Variants in KRT39 observed in about 807,000 individuals in gnomAD.
KRT39 encodes the protein keratin, type I cytoskeletal 39.
A neutral mutation model predicts 54.8 loss-of-function variants in KRT39; 47 were observed. The ratio of observed to expected loss-of-function variants is 0.86; its 90% CI spans 0.68 to 1.09. The LOEUF is 1.09. KRT39 is among the 50% of genes least tolerant of loss of function. The pLI, the probability that KRT39 is intolerant of heterozygous loss-of-function variation, is 0.00. For synonymous variants in KRT39, 207 were observed against 227.9 expected, an observed-to-expected ratio of 0.91 and a Z score of 0.83; for missense variants, 580 against 598.5, an observed-to-expected ratio of 0.97 and a Z score of 0.32.
chr17:40,960,510 GAGA>G lies in KRT39; in HGVS notation c.997-12_997-10del. On this transcript the variant is annotated splice_polypyrimidine_tract_variant and intron_variant, in intron 5 of 6. Coordinates refer to ENST00000355612, the MANE Select transcript of KRT39 (RefSeq NM_213656.4). ...CACTCTTGGGAATCTCTCTACCATG[GAGA>G]AGGATAGTAGGATTTATAATGACTC... The G allele has an allele frequency of 6.2e-7, 1 of 1,602,986 alleles. No individual in the cohort carries two copies. Among genetic ancestry groups the G allele is most frequent in the Non-Finnish European group, 8.5e-7 (1 of 1,169,950 alleles).
chr17:40,963,873 G>A (rs1411638962), intron 2 of KRT39, 90 bp from the exon 3 acceptor site: 3 of 952,220 alleles, frequency 3.2e-6, no homozygotes, highest in Non-Finnish European at 3.2e-6. Flanking sequence ...TTTGCTCTGG[G>A]CACCTCACTT....
At chr17:40,966,067 ATGTGTGTGTG>A (rs71300040) in intron 1 of KRT39, among the ~76,000 whole-genome samples, 1 of 147,416 alleles carries the variant, frequency 6.8e-6, no homozygotes, top group East Asian at 2.0e-4. Context: ...TTGTGTGTGT[ATGTGTGTGTG>A]TGTGTGTGTG....
chr17:40,965,152 C>T (rs928320791), intron 1 of KRT39, among the ~76,000 whole-genome samples: 9 of 151,282 alleles, frequency 5.9e-5, no homozygotes, highest in Non-Finnish European at 8.8e-5. Context: ...AGCAGTGAGC[C>T]GAGATCGCGC....
intron 4 of KRT39, 49 bp from the exon 5 acceptor site, chr17:40,962,336 C>G (rs776323599): frequency 1.9e-6 from 3 of 1,611,916 alleles, no homozygotes; most frequent in Non-Finnish European, 2.5e-6. Context: ...GAAAACATGA[C>G]TTTGATTAAA....
intron 5 of KRT39, among the ~76,000 whole-genome samples, chr17:40,961,171 C>T (rs1911139038): frequency 6.6e-6 from 1 of 150,840 alleles, no homozygotes; most frequent in Non-Finnish European, 1.5e-5. Flanking sequence ...GCACTTCATT[C>T]AGTGAGTGTT....
Position 40,966,388 on chromosome 17 carries a change from C to T in KRT39, c.468+1G>A. The stretch of plus-strand genomic sequence containing the variant: ...ATTAAACAGGTTCTTAGGAATCTTA[C>T]CTTCTGCTGGAGCTCCTCAATGGTA... On this transcript the variant is annotated splice_donor_variant, in intron 1 of 6. Transcript: ENST00000355612. LOFTEE classifies it high-confidence loss of function. 6.3e-7 allele frequency: 1 copy of T among 1,597,620 alleles called. No homozygotes were observed. The highest frequency in any genetic ancestry group is 1.1e-5 in the South Asian group (1 of 90,576).
Position 40,960,466 on chromosome 17 carries a change from C to T in KRT39, c.1032G>A (p.Glu344=), listed in dbSNP as rs1442170698. 1.7e-5 allele frequency: 28 copies of T among 1,613,944 alleles called. No homozygotes were observed. The highest frequency in any genetic ancestry group is 2.3e-5 in the Non-Finnish European group (27 of 1,180,024). The part of the protein sequence containing the change: ...DSQECILTET[E]ARYTALLTQI... The stretch of plus-strand genomic sequence containing the variant: ...GGGTCAGCAAGGCCGTGTAGCGAGC[C>T]TCTGTCTCCGTTAGGATGCACTCTT... Residue 344 remains glutamate (E), a synonymous_variant, in exon 6 of 7, where the codon GAG becomes GAA. Transcript: ENST00000355612.
At chr17:40,966,285 A>T (rs1284850677) in intron 1 of KRT39, 104 bp downstream of exon 1, 2 of 912,136 alleles carry the variant, frequency 2.2e-6, no homozygotes, top group South Asian at 1.7e-5. Context: ...CTTCAAAAAA[A>T]TTTTCAGCAT....
intron 3 of KRT39, 56 bp downstream of exon 3, chr17:40,963,571 A>G (rs1408029843): frequency 1.3e-6 from 2 of 1,511,044 alleles, no homozygotes; most frequent in Non-Finnish European, 1.8e-6. Flanking sequence ...ACTCAAAGGA[A>G]CTGATGCTAC....
Position 40,962,170 on chromosome 17 carries a change from G to A in KRT39, c.988C>T (p.His330Tyr). 6.2e-7 allele frequency: 1 copy of A among 1,614,154 alleles called. No homozygotes were observed. The highest frequency in any genetic ancestry group is 8.5e-7 in the Non-Finnish European group (1 of 1,180,004). ...NTLEVELQAQ[H>Y]RMRDSQECIL... ...GTCAGCTTGCTCAGTACCATTCGAT[G>A]CTGGGCCTGCAGTTCAACCTCCAGA... The change falls in exon 5 of 7, where the codon CAT becomes TAT. Residue 330 changes from histidine (H) to tyrosine (Y), a missense_variant. His to Tyr is a moderately conservative substitution (Grantham distance 83). Transcript: ENST00000355612.
intron 1 of KRT39, among the ~76,000 whole-genome samples, 186 bp downstream of exon 1, chr17:40,966,202 GC>G (rs1231557676): frequency 6.6e-6 from 1 of 151,908 alleles, no homozygotes; most frequent in Non-Finnish European, 1.5e-5. Context: ...GCATCACTGC[GC>G]CTGACCAGAA....
intron 4 of KRT39, 52 bp from the exon 5 acceptor site, chr17:40,962,339 T>G: frequency 6.2e-7 from 1 of 1,612,072 alleles, no homozygotes. Context: ...AACATGACTT[T>G]GATTAAAGGG....
chr17:40,959,297 C>A (rs1911039521), intron 6 of KRT39, among the ~76,000 whole-genome samples: 1 of 152,138 alleles, frequency 6.6e-6, no homozygotes, highest in African/African-American at 2.4e-5. Flanking sequence ...GCATTATTAT[C>A]CGAGGAATGG....
intron 1 of KRT39, among the ~76,000 whole-genome samples, chr17:40,965,347 G>A (rs1911342988): frequency 6.6e-6 from 1 of 152,088 alleles, no homozygotes; most frequent in Non-Finnish European, 1.5e-5. Flanking sequence ...TTGCACTCCA[G>A]CCTGGTGACA....
Position 40,966,927 on chromosome 17 carries a change from G to A in KRT39, c.-71C>T. On this transcript the variant is annotated 5_prime_UTR_variant, in exon 1 of 7. Transcript: ENST00000355612. Reference sequence around the variant, plus strand: ...ATGAAAAGCTCAAGCCACCTCCACAGAGTCTGAATTCCAAGGCTCTTGGTG... The same window carrying A: ...ATGAAAAGCTCAAGCCACCTCCACAAAGTCTGAATTCCAAGGCTCTTGGTG... The A allele has an allele frequency of 1.9e-6, 2 of 1,078,878 alleles. No individual in the cohort carries two copies. Among genetic ancestry groups the A allele is most frequent in the South Asian group, 1.4e-5 (1 of 73,212 alleles). 66.8% of individuals were successfully genotyped at this position (1,078,878 alleles called of 1,614,324 possible).
At position 40,964,427 on chromosome 17, in the gene KRT39, C is replaced by T. The variant is rs775073596; in HGVS notation, c.551+19G>A. On this transcript the variant is annotated intron_variant, in intron 2 of 6. Transcript: ENST00000355612. ...TCAGGGTGAGCTCTGTCATTGATGACGGTGTTGGGTGGGCTTACTTGGCTC... is the reference window on the plus strand; with the variant it reads ...TCAGGGTGAGCTCTGTCATTGATGATGGTGTTGGGTGGGCTTACTTGGCTC... 2.9e-5 allele frequency: 47 copies of T among 1,609,680 alleles called. No homozygotes were observed. The highest frequency in any genetic ancestry group is 1.2e-4 in the Admixed American group (7 of 59,984).
chr17:40,966,185 C>T (rs1469760974), intron 1 of KRT39, among the ~76,000 whole-genome samples: 4 of 152,092 alleles, frequency 2.6e-5, no homozygotes, highest in Non-Finnish European at 4.4e-5. Context: ...GTTAGGATTA[C>T]AGGTGTGCAT....
At chr17:40,961,973 T>C (rs1385655926) in intron 5 of KRT39, among the ~76,000 whole-genome samples, 189 bp downstream of exon 5, 1 of 152,234 alleles carries the variant, frequency 6.6e-6, no homozygotes, top group Admixed American at 6.5e-5. Context: ...GAAGGCACCC[T>C]GTTTAACCTT....
chr17:40,959,115 A>G (rs1285229271), intron 6 of KRT39, among the ~76,000 whole-genome samples: 1 of 152,252 alleles, frequency 6.6e-6, no homozygotes, highest in Non-Finnish European at 1.5e-5. Flanking sequence ...CATTGTGGAA[A>G]GAATACTGCA....
Sources: allele counts gnomAD v4.1 joint callset (sites outside exome capture counted in the v4.1 genomes callset), GRCh38; gene constraint gnomAD v4.1.1; transcripts MANE v1.5; gene names NCBI Gene and HGNC (gene_info 2026-07-23, HGNC 2026-07-21).